Variants in PDE12 observed in about 807,000 individuals in gnomAD.
PDE12 encodes the protein 2',5'-phosphodiesterase 12.
PDE12 carries 26 observed loss-of-function variants against 45.4 expected under a neutral mutation model. The observed-to-expected ratio is 0.57, with a 90% confidence interval of 0.42 to 0.79. PDE12 has a LOEUF of 0.79. Among genes scored for constraint, PDE12 ranks in the 30% least tolerant of loss-of-function variants. The pLI is 0.00. For synonymous variants in PDE12, 283 were observed against 323.9 expected, an observed-to-expected ratio of 0.87 and a Z score of 1.36; for missense variants, 668 against 790.0, an observed-to-expected ratio of 0.85 and a Z score of 1.85.
At chr3:57,557,828 A>C in intron 1 of PDE12, 141 bp downstream of exon 1, 1 of 764,756 alleles carries the variant, frequency 1.3e-6, no homozygotes, top group Non-Finnish European at 2.1e-6. Flanking sequence ...TCTTCAGCAC[A>C]AAGTTTACTC....
intron 1 of PDE12, 135 bp from the exon 2 acceptor site, chr3:57,559,175 C>T (rs1473176405): frequency 1.5e-6 from 1 of 646,198 alleles, no homozygotes; most frequent in Non-Finnish European, 2.7e-6. Context: ...GAGCCGAGAT[C>T]GCGCTACTGC....
At chr3:57,601,658 A>ACTATAAT in the PDE12 span, among the ~76,000 whole-genome samples, 1 of 152,052 alleles carries the variant, frequency 6.6e-6, no homozygotes, top group East Asian at 1.9e-4. Flanking sequence ...CCCAGGTACA[A>ACTATAAT]CTATAATTAT....
chr3:57,593,496 C>T, the PDE12 span, among the ~76,000 whole-genome samples: 1 of 152,260 alleles, frequency 6.6e-6, no homozygotes, highest in Admixed American at 6.5e-5. Context: ...CCCAAAACCA[C>T]AGTCACATTC....
the PDE12 span, chr3:57,631,015 T>C: frequency 6.3e-7 from 1 of 1,594,656 alleles, no homozygotes; most frequent in South Asian, 1.1e-5. Flanking sequence ...AGGAGTGTCT[T>C]CAAAAATATT....
chr3:57,645,257 T>TC, the PDE12 span, among the ~76,000 whole-genome samples: 2 of 151,952 alleles, frequency 1.3e-5, no homozygotes, highest in Non-Finnish European at 2.9e-5. Context: ...AGTCAGGAAT[T>TC]CGAGATCAGC....
chr3:57,567,005 A>T (rs1293186032), downstream of PDE12, among the ~76,000 whole-genome samples: 1 of 152,144 alleles, frequency 6.6e-6, no homozygotes, highest in African/African-American at 2.4e-5. Flanking sequence ...AAGTACTTAC[A>T]TGCCCAATAA....
At chr3:57,597,384 T>C in the PDE12 span, 3 of 365,774 alleles carry the variant, frequency 8.2e-6, no homozygotes, top group South Asian at 1.1e-4. Flanking sequence ...GCTCTGGCTG[T>C]GCCACGTCAC....
rs781217207 is a variant in PDE12 at position 57,556,696 on chromosome 3, C to T, written c.317C>T (p.Ala106Val). 6.3e-7 allele frequency: 1 copy of T among 1,594,488 alleles called. No individual in the cohort carries two copies. The highest frequency in any genetic ancestry group is 8.6e-7 in the Non-Finnish European group (1 of 1,167,408). ...AGCCGGCCGAATGCTAGCGGCGGTG[C>T]GGCCTGTTCAGGGCCGGGGCCTGAG... ...RKSRPNASGG[A>V]ACSGPGPEPA... Residue 106 changes from alanine (A) to valine (V), a missense_variant, in exon 1 of 3, where the codon GCG becomes GTG. Physicochemically the swap from Ala to Val is moderately conservative, Grantham distance 64. Coordinates refer to ENST00000311180, the MANE Select transcript of PDE12 (RefSeq NM_177966.7). The surrounding 1 kb of genome is among the most constrained non-coding windows in gnomAD (Gnocchi z 5.0).
chr3:57,611,764 G>C, the PDE12 span, among the ~76,000 whole-genome samples: 1 of 152,138 alleles, frequency 6.6e-6, no homozygotes, highest in African/African-American at 2.4e-5. Flanking sequence ...TGGAGAAATA[G>C]GAACACTTTT....
chr3:57,646,135 T>A, the PDE12 span, among the ~76,000 whole-genome samples: 2 of 152,224 alleles, frequency 1.3e-5, no homozygotes, highest in Non-Finnish European at 2.9e-5. Flanking sequence ...CTGAATCAAT[T>A]TTCTCATCCA....
chr3:57,629,505 C>T, the PDE12 span, among the ~76,000 whole-genome samples: 4 of 145,182 alleles, frequency 2.8e-5, no homozygotes, highest in Admixed American at 1.4e-4. Context: ...AAAATCAGTC[C>T]GCTTTTTTTT....
downstream of PDE12, among the ~76,000 whole-genome samples, chr3:57,568,095 T>TAAAAAAAAAAAA (rs2069802595): frequency 1.0e-5 from 1 of 100,410 alleles, no homozygotes; most frequent in African/African-American, 3.8e-5. Flanking sequence ...AAAAAAAAAG[T>TAAAAAAAAAAAA]AAAGCACTTG....
the PDE12 span, chr3:57,645,650 T>C: frequency 6.3e-6 from 10 of 1,596,288 alleles, no homozygotes; most frequent in South Asian, 9.0e-5. Flanking sequence ...ATAGAAGTTA[T>C]TTTTACTTAC....
the PDE12 span, chr3:57,597,338 G>A: frequency 3.9e-6 from 2 of 515,016 alleles, no homozygotes; most frequent in South Asian, 4.5e-5. Flanking sequence ...GGACCTGCTA[G>A]GCGACTGGCG....
chr3:57,578,770 C>T, the PDE12 span, among the ~76,000 whole-genome samples: 3 of 152,030 alleles, frequency 2.0e-5, no homozygotes, highest in Non-Finnish European at 4.4e-5. Context: ...TGAGCCATGG[C>T]ACCTGGCCCA....
At chr3:57,582,555 T>C in the PDE12 span, among the ~76,000 whole-genome samples, 1 of 152,136 alleles carries the variant, frequency 6.6e-6, no homozygotes, top group African/African-American at 2.4e-5. Flanking sequence ...CATTCTCGTT[T>C]TTAAATAAAA....
chr3:57,579,239 A>T, the PDE12 span, among the ~76,000 whole-genome samples: 4 of 132,816 alleles, frequency 3.0e-5, no homozygotes, highest in African/African-American at 1.1e-4. Flanking sequence ...GGGCGACAAG[A>T]GCAAACTACA....
intron 1 of PDE12, among the ~76,000 whole-genome samples, chr3:57,558,709 C>G (rs1351976856): frequency 2.7e-5 from 4 of 150,738 alleles, no homozygotes. Context: ...CCAGGATGGT[C>G]TCGATCTCCT....
At chr3:57,630,636 A>G in the PDE12 span, 7 of 1,543,090 alleles carry the variant, frequency 4.5e-6, no homozygotes, top group Admixed American at 2.2e-5. Context: ...TTTAAAAAGA[A>G]TAAGCTTAAG....
Sources: gnomAD v4.1 joint callset for allele counts (sites outside exome capture counted in the v4.1 genomes callset) on GRCh38, gnomAD v4.1.1 for gene constraint, Gnocchi (gnomAD v3.1) non-coding constraint, MANE v1.5 for transcripts, NCBI Gene and HGNC (gene_info 2026-07-23, HGNC 2026-07-21) for gene names.